The following KLC4 variants were observed in gnomAD, a reference collection of about 807,000 sequenced individuals.
KLC4 encodes kinesin-like protein 8.
Under a neutral mutation model 77.2 loss-of-function variants are expected in KLC4, and 49 were observed. That is an observed-to-expected ratio of 0.63 (90% CI 0.50 to 0.80). The LOEUF (loss-of-function observed/expected upper bound fraction) is 0.80. Ranked by LOEUF, KLC4 falls within the 30% of genes least tolerant of loss-of-function variation. The pLI, the probability that KLC4 is intolerant of heterozygous loss-of-function variation, is 0.00. For missense variants in KLC4, 669 were observed against 793.5 expected (o/e 0.84, Z 1.89); for synonymous variants, 274 against 314.5 (o/e 0.87, Z 1.36).
Position 43,072,856 on chromosome 6 carries a change from A to G in KLC4, c.1521A>G (p.Ala507=). The G allele has an allele frequency of 1.9e-6, 3 of 1,613,820 alleles. No homozygotes were observed. The highest frequency in any genetic ancestry group is 2.5e-6 in the Non-Finnish European group (3 of 1,179,796). ...ACCCTATCAGCCAGACGAAGGTGGC[A>G]GAGCTGCTTGGGGAGAGTGATGGTA... is the stretch of plus-strand genomic sequence containing the variant. ...GTDPISQTKV[A]ELLGESDGRR... Residue 507 remains alanine (A), a synonymous_variant, in exon 13 of 16, where the codon GCA becomes GCG. Transcript: ENST00000347162.
chr6:43,061,407 G>C lies in KLC4; in HGVS notation c.72G>C (p.Gly24=), dbSNP rs1458690625. ...GGCTCAGCCAAGAGGAGATCCTGGG[G>C]AGCACACGGCTGGTCAGCCAAGGGC... ...GHRLSQEEIL[G]STRLVSQGLE... is the part of the protein sequence containing the mutation. Residue 24 remains glycine, a synonymous_variant, in exon 2 of 16, where the codon GGG becomes GGC. Coordinates refer to ENST00000347162, the MANE Select transcript of KLC4 (RefSeq NM_201521.3). 6 of 1,613,978 alleles carry C rather than the reference G, an allele frequency of 3.7e-6. No homozygotes were observed. Among genetic ancestry groups the C allele is most frequent in the African/African-American group, 1.3e-5 (1 of 74,944 alleles).
At position 43,066,518 on chromosome 6, in the gene KLC4, G is replaced by T; in HGVS notation, c.784G>T (p.Val262Leu). The T allele has an allele frequency of 1.2e-6, 2 of 1,611,722 alleles. No homozygotes were observed. Among genetic ancestry groups the T allele is most frequent in the Non-Finnish European group, 1.7e-6 (2 of 1,178,500 alleles). ...CACCATGCTCAACATCCTTGCTTTGGTGTATCGGTGAGGACTTCCCTCCTC... is the reference window on the plus strand; with the variant it reads ...CACCATGCTCAACATCCTTGCTTTGTTGTATCGGTGAGGACTTCCCTCCTC... ...VATMLNILAL[V>L]YRDQNKYKEA... Residue 262 changes from valine (V) to leucine (L), a missense_variant, in exon 5 of 16, where the codon GTG (valine) becomes TTG (leucine). Transcript: ENST00000347162.
intron 1 of KLC4, 67 bp from the exon 2 acceptor site, chr6:43,061,244 T>G (rs771275298): frequency 1.1e-5 from 16 of 1,513,866 alleles, no homozygotes; most frequent in Non-Finnish European, 1.4e-5. Flanking sequence ...CCCACCACTC[T>G]CTGAGAAAGT....
At chr6:43,060,359 T>A in intron 1 of KLC4, 1 of 1,594,188 alleles carries the variant, frequency 6.3e-7, no homozygotes, top group Non-Finnish European at 8.6e-7. Context: ...GGAGGCTGGC[T>A]TGGGGAAGGA....
intron 4 of KLC4, among the ~76,000 whole-genome samples, 189 bp downstream of exon 4, chr6:43,065,890 C>T (rs568976278): frequency 4.6e-5 from 7 of 152,218 alleles, no homozygotes; most frequent in African/African-American, 1.7e-4. Flanking sequence ...GTATTAAGCA[C>T]TGAATATGTG....
In KLC4 at chr6:43,073,883, C is replaced by T; in HGVS notation, c.1746-19C>T. 6.2e-7 allele frequency: 1 copy of T among 1,613,854 alleles called. No homozygotes were observed. The highest frequency in any genetic ancestry group is 8.5e-7 in the Non-Finnish European group (1 of 1,179,740). On this transcript the variant is annotated intron_variant, in intron 14 of 15. Transcript: ENST00000347162. The stretch of plus-strand genomic sequence containing the variant: ...AGGAGGAAGAGAGGAGGCCTCAATT[C>T]TTCCGTTTTCCATTGTAGCAGCAAC...
At position 43,070,813 on chromosome 6, in the gene KLC4, A is replaced by G. The variant is rs1199420805; in HGVS notation, c.1103A>G (p.Glu368Gly). 7 of 1,609,950 alleles carry G rather than the reference A, an allele frequency of 4.3e-6. No homozygotes were observed. The highest frequency in any genetic ancestry group is 5.9e-6 in the Non-Finnish European group (7 of 1,178,134). Residue 368 changes from glutamate (E) to glycine (G), a missense_variant, in exon 8 of 16, where the codon GAG (glutamate) becomes GGG (glycine). Coordinates refer to ENST00000347162, the MANE Select transcript of KLC4 (RefSeq NM_201521.3). ...RYYQRALAIY[E>G]GQLGPDNPNV... The stretch of plus-strand genomic sequence containing the variant: ...TACCAGCGAGCACTGGCCATCTACG[A>G]GGGGCAGCTGGGGCCGGACAACCCT...
At chr6:43,069,775 TGACCTCAGGTGATCC>T (rs749600873) in intron 6 of KLC4, among the ~76,000 whole-genome samples, 3 of 152,182 alleles carry the variant, frequency 2.0e-5, no homozygotes, top group Admixed American at 6.5e-5. Flanking sequence ...CTCGAACTCC[TGACCTCAGGTGATCC>T]GCCCACCTCG....
At position 43,067,303 on chromosome 6, in the gene KLC4, A is replaced by C. The variant is rs573628041; in HGVS notation, c.879+220A>C. 7 of 1,073,212 alleles carry C rather than the reference A, an allele frequency of 6.5e-6. No homozygotes were observed. In the South Asian group the frequency reaches 1.8e-4, roughly 27 times the overall value. The allele number at this position is 1,073,212 out of a possible 1,614,324, so 66.5% of individuals were successfully genotyped here. On this transcript the variant is annotated intron_variant, in intron 6 of 15. Transcript: ENST00000347162. ...CTTTTTATAACAAATATTTTGCTTG[A>C]ATTTAATTAATAGATAAGTCATAGG... is the stretch of plus-strand genomic sequence containing the variant.
intron 6 of KLC4, among the ~76,000 whole-genome samples, chr6:43,067,725 G>A (rs926100475): frequency 1.3e-5 from 2 of 150,526 alleles, no homozygotes; most frequent in African/African-American, 4.9e-5. Flanking sequence ...AACCCGGGAG[G>A]CGGAGCTTGC....
intron 3 of KLC4, 30 bp from the exon 4 acceptor site, chr6:43,065,590 G>A (rs1318621995): frequency 7.3e-6 from 11 of 1,512,040 alleles, no homozygotes; most frequent in Non-Finnish European, 1.0e-5. Flanking sequence ...GGGATATCTT[G>A]GCCCTTATAT....
rs1296566816 is a variant in KLC4 at position 43,059,814 on chromosome 6, C to T, written c.-26+129C>T. 6 of 1,171,494 alleles carry T rather than the reference C, an allele frequency of 5.1e-6. No individual in the cohort carries two copies. In the Admixed American group the frequency reaches 2.6e-4, roughly 51 times the overall value. 72.6% of individuals were successfully genotyped at this position (1,171,494 alleles called of 1,614,324 possible). ...AAACTCCAGCCTCCAAAACTCCGCC[C>T]TTCGCGATTCTTCCCCGCCCCTCGG... On this transcript the variant is annotated intron_variant, in intron 1 of 15. Transcript: ENST00000347162.
At position 43,066,288 on chromosome 6, in the gene KLC4, T is replaced by A; in HGVS notation, c.572-18T>A. ...GGGGAGAGGAAGAGTCCTTTGTTTA[T>A]GTTCTGTGATGGTTTAGTGTCCCGT... On this transcript the variant is annotated intron_variant, in intron 4 of 15. Transcript: ENST00000347162. 1 of 1,603,622 alleles carries A rather than the reference T, an allele frequency of 6.2e-7. No homozygotes were observed. The highest frequency in any genetic ancestry group is 8.5e-7 in the Non-Finnish European group (1 of 1,170,510).
intron 6 of KLC4, among the ~76,000 whole-genome samples, chr6:43,070,095 C>CAAAAAAAA (rs1160489881): frequency 2.5e-5 from 2 of 79,438 alleles, no homozygotes; most frequent in Admixed American, 1.3e-4. Flanking sequence ...ACAACAACAA[C>CAAAAAAAA]AAAAAAAAAA....
At chr6:43,067,579 G>A (rs1004083502) in intron 6 of KLC4, among the ~76,000 whole-genome samples, 1 of 152,018 alleles carries the variant, frequency 6.6e-6, no homozygotes, top group Non-Finnish European at 1.5e-5. Context: ...TGGATCACGA[G>A]GTCAGGAGAT....
chr6:43,059,808 T>C, intron 1 of KLC4, 123 bp downstream of exon 1: 1 of 1,165,102 alleles, frequency 8.6e-7, no homozygotes. Flanking sequence ...CCTCCAAAAC[T>C]CCGCCCTTCG....
At chr6:43,070,493 T>C in intron 7 of KLC4, 38 bp downstream of exon 7, 1 of 1,541,122 alleles carries the variant, frequency 6.5e-7, no homozygotes, top group South Asian at 1.1e-5. Flanking sequence ...CTTGTCGCTG[T>C]GACCCTTCTC....
intron 13 of KLC4, 33 bp downstream of exon 13, chr6:43,072,997 G>A (rs778334269): frequency 1.3e-6 from 2 of 1,554,262 alleles, no homozygotes; most frequent in South Asian, 1.3e-5. Flanking sequence ...CATCTCTCCT[G>A]CCCACTCCTG....
chr6:43,060,294 T>C (rs1216901155), intron 1 of KLC4: 1 of 1,608,272 alleles, frequency 6.2e-7, no homozygotes, highest in Non-Finnish European at 8.5e-7. Context: ...TCTGGTTAAG[T>C]CTCTCTCTCT....
Sources: allele counts gnomAD v4.1 joint callset (sites outside exome capture counted in the v4.1 genomes callset), GRCh38; gene constraint gnomAD v4.1.1; transcripts MANE v1.5; gene names NCBI Gene and HGNC (gene_info 2026-07-23, HGNC 2026-07-21).